Variants in RHOT2 observed in about 807,000 individuals in gnomAD.
The protein encoded by RHOT2 is mitochondrial Rho GTPase 2.
Under a neutral mutation model 81.6 loss-of-function variants are expected in RHOT2, and 90 were observed. The ratio of observed to expected loss-of-function variants is 1.10; its 90% CI spans 0.93 to 1.31. The LOEUF is 1.31. Ranked by LOEUF, RHOT2 falls within the 40% of genes most tolerant of loss-of-function variation. RHOT2 has a pLI of 0.00. For missense variants in RHOT2, 1,014 were observed against 841.9 expected, an observed-to-expected ratio of 1.20 and a Z score of -2.53; for synonymous variants, 512 against 370.9, an observed-to-expected ratio of 1.38 and a Z score of -4.37.
intron 12 of RHOT2, 29 bp downstream of exon 12, chr16:671,810 G>GCCCCGGCCCCCCCC: frequency 6.3e-7 from 1 of 1,586,242 alleles, no homozygotes; most frequent in Non-Finnish European, 8.6e-7. Flanking sequence ...CCCTGCCCCT[G>GCCCCGGCCCCCCCC]CCCCCGCCCC....
chr16:668,506 G>T lies in RHOT2; in HGVS notation c.115G>T (p.Glu39Ter), dbSNP rs1481995599. The T allele has an allele frequency of 1.2e-6, 2 of 1,608,762 alleles. No individual in the cohort carries two copies. Among genetic ancestry groups the T allele is most frequent in the South Asian group, 2.2e-5 (2 of 90,532 alleles). ...CTTGCAGGTCCCTCCCCGCGCGGAGGAGATCACCATCCCCGCGGACGTCAC... is the reference window on the plus strand; with the variant it reads ...CTTGCAGGTCCCTCCCCGCGCGGAGTAGATCACCATCCCCGCGGACGTCAC... The part of the protein sequence containing the change: ...FPEEVPPRAE[E>*]ITIPADVTPE... Residue 39 changes from glutamate (E) to a stop codon, truncating the protein, a stop_gained, in exon 3 of 19, where the codon GAG (glutamate) becomes TAG (stop). Coordinates refer to ENST00000315082, the MANE Select transcript of RHOT2 (RefSeq NM_138769.3). LOFTEE classifies it high-confidence loss of function.
At position 673,555 on chromosome 16, in the gene RHOT2, G is replaced by A. The variant is rs537036856; in HGVS notation, c.1806G>A (p.Val602=). 15 of 1,612,364 alleles carry A rather than the reference G, an allele frequency of 9.3e-6. No homozygotes were observed. Among genetic ancestry groups the A allele is most frequent in the East Asian group, 4.5e-5 (2 of 44,882 alleles). The change falls in exon 19 of 19, where the codon GTG becomes GTA. Residue 602 remains valine (V), a synonymous_variant. Coordinates refer to ENST00000315082, the MANE Select transcript of RHOT2 (RefSeq NM_138769.3). ...TGCTGGGGGTTGTCGGGGCCGCCGT[G>A]GCCGCAGTCCTCAGCTTCTCACTCT... ...RGLLGVVGAA[V]AAVLSFSLYR...
At chr16:670,050 C>G (rs1466753596) in intron 5 of RHOT2, 73 bp from the exon 6 acceptor site, 1 of 1,414,048 alleles carries the variant, frequency 7.1e-7, no homozygotes, top group African/African-American at 1.4e-5. Flanking sequence ...TCTCCCCCAG[C>G]CAGGCTCATG....
chr16:668,378 C>T lies in RHOT2; in HGVS notation c.63C>T (p.Ile21=), dbSNP rs954766387. The change falls in exon 2 of 19, where the codon ATC becomes ATT. Residue 21 remains isoleucine, a synonymous_variant. Coordinates refer to ENST00000315082, the MANE Select transcript of RHOT2 (RefSeq NM_138769.3). ...GEAQVGKTSL[I]LSLVGEEFPE... is the part of the protein sequence containing the mutation. The stretch of plus-strand genomic sequence containing the variant: ...CCCAGGTGGGGAAGACGTCGCTGAT[C>T]CTGTCCCTGGTGGGCGAGGAGTTCC... 1.0e-5 allele frequency: 15 copies of T among 1,452,578 alleles called. 1 individual carries two copies. In the Admixed American group the frequency reaches 2.9e-4, roughly 28 times the overall value. The allele number at this position is 1,452,578 out of a possible 1,614,324, so 90.0% of individuals were successfully genotyped here. A position where few individuals can be genotyped will look rare whatever the true frequency, so the allele number is the denominator to read the frequency against.
At position 670,918 on chromosome 16, in the gene RHOT2, C is replaced by G. The variant is rs371746071; in HGVS notation, c.666C>G (p.Ala222=). 6.4e-7 allele frequency: 1 copy of G among 1,569,046 alleles called. No individual in the cohort carries two copies. The highest frequency in any genetic ancestry group is 8.7e-7 in the Non-Finnish European group (1 of 1,154,074). ...FQKSCFGHPL[A]PQALEDVKTV... ...AATCCTGCTTTGGGCACCCCCTGGC[C>G]CCGCAGGCCCTGGAGGACGTGAAGA... Residue 222 remains alanine, a synonymous_variant, in exon 10 of 19, where the codon GCC becomes GCG. Transcript: ENST00000315082.
rs753379125 is a variant in RHOT2 at position 671,877 on chromosome 16, C to G, written c.972C>G (p.Leu324=). 1.1e-5 allele frequency: 18 copies of G among 1,611,432 alleles called. No individual in the cohort carries two copies. The East Asian group carries it at 3.3e-4, about 30-fold the overall frequency. The part of the protein sequence containing the change: ...EKHDQDRDGA[L]SPVELQSLFS... ...TTCTGCAGGACCGCGACGGCGCCCT[C>G]TCGCCCGTGGAGCTGCAAAGCCTTT... Residue 324 remains leucine, a synonymous_variant, in exon 13 of 19, where the codon CTC becomes CTG. Transcript: ENST00000315082.
At chr16:673,381 G>A (rs1325219450) in intron 18 of RHOT2, 99 bp from the exon 19 acceptor site, 29 of 1,563,266 alleles carry the variant, frequency 1.9e-5, no homozygotes, top group East Asian at 4.5e-5. Context: ...TGGGATCCCC[G>A]CCTGTGGGGC....
At position 672,689 on chromosome 16, in the gene RHOT2, G is replaced by A. The variant is rs778720521; in HGVS notation, c.1405-14G>A. 111 of 1,611,744 alleles carry A rather than the reference G, an allele frequency of 6.9e-5. No individual in the cohort carries two copies. In the Middle Eastern group the frequency reaches 5.9e-3, roughly 86 times the overall value. ...AGCCCCAGGGACCCTTCCTAAGGCC[G>A]CTGTCTGTCCCAGCTCTGTGAGGTG... On this transcript the variant is annotated splice_polypyrimidine_tract_variant and intron_variant, in intron 16 of 18. Transcript: ENST00000315082.
chr16:669,090 G>A (rs2038443219), intron 4 of RHOT2: 4 of 395,088 alleles, frequency 1.0e-5, no homozygotes, highest in Non-Finnish European at 1.8e-5. Flanking sequence ...AAGGGCACAG[G>A]CCACAGCCAC....
In RHOT2 at chr16:674,145, G is replaced by A. The variant is rs1043496253; in HGVS notation, c.*539G>A. 4 of 214,878 alleles carry A rather than the reference G, an allele frequency of 1.9e-5. No homozygotes were observed. The highest frequency in any genetic ancestry group is 3.9e-5 in the Non-Finnish European group (4 of 103,328). 13.3% of individuals were successfully genotyped at this position (214,878 alleles called of 1,614,324 possible). ...TTTTCTATCTCGGATCCCAGTCTCT[G>A]AAGACAACTTGCTTTGATTCAACCT... On this transcript the variant is annotated 3_prime_UTR_variant, in exon 19 of 19. Coordinates refer to ENST00000315082, the MANE Select transcript of RHOT2 (RefSeq NM_138769.3).
upstream of RHOT2, chr16:668,126 G>A (rs145507268): frequency 5.0e-5 from 21 of 418,042 alleles, no homozygotes; most frequent in African/African-American, 8.2e-5. Context: ...GGGCGGGCGC[G>A]GGGGCAGAGC....
rs201619263 is a variant in RHOT2 at position 672,822 on chromosome 16, C to T, written c.1524C>T (p.Tyr508=). ...CCTTTGCACATTGTGCCAGCGTCTA[C>T]AAGGTGGGGCCCTGCAGGGGCCACG... ...PKSFAHCASV[Y]KHHYMDGQTP... The change falls in exon 17 of 19, where the codon TAC becomes TAT. Residue 508 remains tyrosine, a synonymous_variant. Coordinates refer to ENST00000315082, the MANE Select transcript of RHOT2 (RefSeq NM_138769.3). The T allele has an allele frequency of 3.1e-6, 5 of 1,612,624 alleles. No homozygotes were observed. The highest frequency in any genetic ancestry group is 4.5e-5 in the East Asian group (2 of 44,882).
intron 1 of RHOT2, 26 bp from the exon 2 acceptor site, chr16:668,327 C>A: frequency 7.2e-7 from 1 of 1,380,026 alleles, no homozygotes; most frequent in South Asian, 1.7e-5. Flanking sequence ...CCTTGGCCCT[C>A]GCGCTGACCG....
chr16:673,728 CT>C lies in RHOT2; in HGVS notation c.*127del. On this transcript the variant is annotated 3_prime_UTR_variant, in exon 19 of 19. Transcript: ENST00000315082. ...CTCCGGGAACGCCTTTGCGCCGGGA[CT>C]TTTTGTTTCTGAAGGCAGTCGATCT... 2 of 1,265,620 alleles carry C rather than the reference CT, an allele frequency of 1.6e-6. No individual in the cohort carries two copies. The highest frequency in any genetic ancestry group is 2.2e-6 in the Non-Finnish European group (2 of 920,268). The allele number at this position is 1,265,620 out of a possible 1,614,324, so 78.4% of individuals were successfully genotyped here. A position where few individuals can be genotyped will look rare whatever the true frequency, so the allele number is the denominator to read the frequency against.
At chr16:672,056 A>T in intron 13 of RHOT2, 28 bp from the exon 14 acceptor site, 1 of 1,611,018 alleles carries the variant, frequency 6.2e-7, no homozygotes, top group Non-Finnish European at 8.5e-7. Context: ...CCACCATAAC[A>T]CTGTGCCTGC....
intron 4 of RHOT2, 54 bp downstream of exon 4, chr16:668,753 C>T (rs766292116): frequency 9.2e-6 from 14 of 1,527,992 alleles, no homozygotes; most frequent in South Asian, 7.3e-5. Context: ...CGGCCTAATC[C>T]GCTTCGCAGC....
chr16:668,501 CGGA>C lies in RHOT2; in HGVS notation c.115_117del (p.Glu39del), dbSNP rs751450390. 263 of 1,607,836 alleles carry C rather than the reference CGGA, an allele frequency of 1.6e-4. No homozygotes were observed. The highest frequency in any genetic ancestry group is 2.1e-4 in the Non-Finnish European group (250 of 1,178,024). Reference sequence around the variant, plus strand: ...GGTCCCTTGCAGGTCCCTCCCCGCGCGGAGGAGATCACCATCCCCGCGGACGTC... The same window carrying C: ...GGTCCCTTGCAGGTCCCTCCCCGCGCGGAGATCACCATCCCCGCGGACGTC... On this transcript the variant is annotated inframe_deletion, in exon 3 of 19. Transcript: ENST00000315082.
In RHOT2 at chr16:668,348, C is replaced by G. The variant is rs1444817161; in HGVS notation, c.38-5C>G. 1 of 1,402,032 alleles carries G rather than the reference C, an allele frequency of 7.1e-7. No individual in the cohort carries two copies. The highest frequency in any genetic ancestry group is 9.2e-7 in the Non-Finnish European group (1 of 1,085,300). The allele number at this position is 1,402,032 out of a possible 1,614,324, so 86.8% of individuals were successfully genotyped here. A position where few individuals can be genotyped will look rare whatever the true frequency, so the allele number is the denominator to read the frequency against. On this transcript the variant is annotated splice_region_variant and splice_polypyrimidine_tract_variant and intron_variant, in intron 1 of 18. Coordinates refer to ENST00000315082, the MANE Select transcript of RHOT2 (RefSeq NM_138769.3). ...CCCTCGCGCTGACCGCCTCGCCCCG[C>G]GCAGCCCAGGTGGGGAAGACGTCGC...
chr16:674,127 T>C lies in RHOT2; in HGVS notation c.*521T>C, dbSNP rs1004170281. 1 of 206,684 alleles carries C rather than the reference T, an allele frequency of 4.8e-6. No homozygotes were observed. Among genetic ancestry groups the C allele is most frequent in the African/African-American group, 2.4e-5 (1 of 42,076 alleles). 12.8% of individuals were successfully genotyped at this position (206,684 alleles called of 1,614,324 possible). A position where few individuals can be genotyped will look rare whatever the true frequency, so the allele number is the denominator to read the frequency against. On this transcript the variant is annotated 3_prime_UTR_variant, in exon 19 of 19. Transcript: ENST00000315082. Reference sequence around the variant, plus strand: ...ATTAAACTTCACTGTGTGTTTTCTATCTCGGATCCCAGTCTCTGAAGACAA... The same window carrying C: ...ATTAAACTTCACTGTGTGTTTTCTACCTCGGATCCCAGTCTCTGAAGACAA...
Sources: gnomAD v4.1 joint callset for allele counts on GRCh38, gnomAD v4.1.1 for gene constraint, MANE v1.5 for transcripts, NCBI Gene and HGNC (gene_info 2026-07-23, HGNC 2026-07-21) for gene names.